ARNT2: variants seen among roughly 807,000 people sequenced by gnomAD.
The protein encoded by ARNT2 is aryl hydrocarbon receptor nuclear translocator 2, also known as ARNT protein 2.
ARNT2 carries 36 observed loss-of-function variants against 91.7 expected under a neutral mutation model. The ratio of observed to expected loss-of-function variants is 0.39; its 90% CI spans 0.30 to 0.52. The LOEUF is 0.52. Among genes scored for constraint, ARNT2 ranks in the 20% least tolerant of loss-of-function variants. ARNT2 has a pLI of 0.72. For synonymous variants in ARNT2, 365 were observed against 347.1 expected (o/e 1.05, Z -0.57); for missense variants, 775 against 939.3 (o/e 0.83, Z 2.29).
chr15:80,539,028 G>C (rs930649801), intron 8 of ARNT2, among the ~76,000 whole-genome samples: 1 of 151,838 alleles, frequency 6.6e-6, no homozygotes, highest in Non-Finnish European at 1.5e-5. Context: ...TTTTTCTTTT[G>C]TATTTTTTTA....
chr15:80,591,770 G>A lies in ARNT2; in HGVS notation c.2055+66G>A, dbSNP rs1173422333. 23 of 1,598,308 alleles carry A rather than the reference G, an allele frequency of 1.4e-5. No individual in the cohort carries two copies. Among genetic ancestry groups the A allele is most frequent in the South Asian group, 2.2e-5 (2 of 89,098 alleles). On this transcript the variant is annotated intron_variant, in intron 18 of 18. Coordinates refer to ENST00000303329, the MANE Select transcript of ARNT2 (RefSeq NM_014862.4). This position sits in a 1 kb window ranked among gnomAD's most constrained non-coding sequence, Gnocchi z 5.1. The stretch of plus-strand genomic sequence containing the variant: ...CTTCTCTCTGCTTCCTTTCCCCCTC[G>A]GTCTCTGCCGCACCACCGCCTGCCC...
chr15:80,507,941 G>A (rs997557856), intron 5 of ARNT2, among the ~76,000 whole-genome samples: 6 of 152,102 alleles, frequency 3.9e-5, no homozygotes, highest in African/African-American at 9.7e-5. Context: ...AAGTGTAGAC[G>A]GCTCTGAAGA....
At chr15:80,493,245 A>G (rs1418238005) in intron 5 of ARNT2, among the ~76,000 whole-genome samples, 2 of 150,684 alleles carry the variant, frequency 1.3e-5, no homozygotes, top group Non-Finnish European at 3.0e-5. Flanking sequence ...CTGAGGCCTT[A>G]TGACTTGATC....
chr15:80,534,217 C>T lies in ARNT2; in HGVS notation c.878-16982C>T, dbSNP rs537191303. Among the ~76,000 whole-genome samples, 4 of 152,250 alleles carry T rather than the reference C, an allele frequency of 2.6e-5. No homozygotes were observed. In the South Asian group the frequency reaches 6.2e-4, roughly 24 times the overall value. ...TAGAGTCGGAATGGTACACCACACT[C>T]GTCTTTCTGGCATTGTTTGAGAATG... On this transcript the variant is annotated intron_variant, in intron 8 of 18. Coordinates refer to ENST00000303329, the MANE Select transcript of ARNT2 (RefSeq NM_014862.4).
chr15:80,590,485 C>T (rs984929749), intron 17 of ARNT2, among the ~76,000 whole-genome samples: 7 of 152,228 alleles, frequency 4.6e-5, no homozygotes, highest in Admixed American at 4.6e-4. Flanking sequence ...GCTCACTCAT[C>T]CCAGCACTTT....
chr15:80,569,576 A>G (rs1898549872), intron 12 of ARNT2, among the ~76,000 whole-genome samples: 1 of 152,146 alleles, frequency 6.6e-6, no homozygotes, highest in South Asian at 2.1e-4. Flanking sequence ...TGGGATGGAG[A>G]TGCTGATGTT....
In ARNT2 at chr15:80,404,509, G is replaced by A. The variant is rs769959071; in HGVS notation, c.-7G>A. On this transcript the variant is annotated 5_prime_UTR_variant, in exon 1 of 19. Transcript: ENST00000303329. The surrounding 1 kb of genome is among the most constrained non-coding windows in gnomAD (Gnocchi z 5.5). ...TGCCAAGCGGGCGCCTATCCTCTCCGAGCAAGATGGCAACCCCGGCGGCGG... is the reference window on the plus strand; with the variant it reads ...TGCCAAGCGGGCGCCTATCCTCTCCAAGCAAGATGGCAACCCCGGCGGCGG... 68 of 1,234,770 alleles carry A rather than the reference G, an allele frequency of 5.5e-5. 1 individual carries two copies. The highest frequency in any genetic ancestry group is 6.5e-5 in the Non-Finnish European group (63 of 970,116). 76.5% of individuals were successfully genotyped at this position (1,234,770 alleles called of 1,614,324 possible).
At chr15:80,578,608 C>T (rs1009272958) in intron 15 of ARNT2, among the ~76,000 whole-genome samples, 13 of 151,532 alleles carry the variant, frequency 8.6e-5, no homozygotes, top group Non-Finnish European at 1.5e-4. Context: ...GCCTGGGTAA[C>T]GCTGTTGTCA....
At chr15:80,552,185 T>C (rs10438389) in intron 9 of ARNT2, among the ~76,000 whole-genome samples, 70 of 152,324 alleles carry the variant, frequency 4.6e-4, no homozygotes, top group African/African-American at 1.3e-3. Context: ...TGCTTGCACA[T>C]GGGTGAAGAA....
chr15:80,564,987 C>T (rs1898451678), intron 12 of ARNT2, among the ~76,000 whole-genome samples: 1 of 151,214 alleles, frequency 6.6e-6, no homozygotes, highest in African/African-American at 2.4e-5. Context: ...TGCAGTGGCA[C>T]TATGGGCTCA....
chr15:80,454,457 A>G (rs997164808), intron 2 of ARNT2, among the ~76,000 whole-genome samples: 1 of 152,244 alleles, frequency 6.6e-6, no homozygotes, highest in Admixed American at 6.5e-5. Flanking sequence ...CTTATAGCCA[A>G]TGGACTATTT....
At chr15:80,490,317 AG>A (rs1345823294) in intron 5 of ARNT2, among the ~76,000 whole-genome samples, 1 of 151,978 alleles carries the variant, frequency 6.6e-6, no homozygotes, top group Non-Finnish European at 1.5e-5. Flanking sequence ...GCAGGCCTTG[AG>A]GGGTGGGTGT....
chr15:80,501,383 T>A (rs1309328082), intron 5 of ARNT2, among the ~76,000 whole-genome samples: 1 of 152,166 alleles, frequency 6.6e-6, no homozygotes, highest in Non-Finnish European at 1.5e-5. Context: ...AGAACAGGCA[T>A]GCATAGAAAA....
At chr15:80,471,475 C>T (rs931597945) in intron 4 of ARNT2, among the ~76,000 whole-genome samples, 2 of 152,046 alleles carry the variant, frequency 1.3e-5, no homozygotes, top group Non-Finnish European at 2.9e-5. Flanking sequence ...AACAAATTTT[C>T]GTGACATGAG....
intron 4 of ARNT2, among the ~76,000 whole-genome samples, chr15:80,471,707 T>C (rs1896733779): frequency 6.6e-6 from 1 of 152,162 alleles, no homozygotes; most frequent in Non-Finnish European, 1.5e-5. Context: ...TTTAGCTCTG[T>C]TTTATTGATG....
chr15:80,451,356 TC>T (rs1477847570), intron 2 of ARNT2, among the ~76,000 whole-genome samples: 1 of 152,236 alleles, frequency 6.6e-6, no homozygotes, highest in Non-Finnish European at 1.5e-5. Context: ...CTGCAAAGAT[TC>T]CACCCTGGTG....
chr15:80,523,446 G>A (rs1263812728), intron 8 of ARNT2, among the ~76,000 whole-genome samples: 1 of 152,140 alleles, frequency 6.6e-6, no homozygotes, highest in Non-Finnish European at 1.5e-5. Flanking sequence ...ACCTGCCTGG[G>A]GTTAGGACAG....
At chr15:80,531,401 A>T (rs1346098272) in intron 8 of ARNT2, among the ~76,000 whole-genome samples, 1 of 152,230 alleles carries the variant, frequency 6.6e-6, no homozygotes, top group Non-Finnish European at 1.5e-5. Flanking sequence ...ATCCAAGGAG[A>T]AGGTAATTTA....
chr15:80,513,519 A>C (rs796224579), intron 6 of ARNT2, among the ~76,000 whole-genome samples: 5 of 152,300 alleles, frequency 3.3e-5, no homozygotes, highest in African/African-American at 1.2e-4. Context: ...GTCACTGCTC[A>C]GGCCTGAAGG....
Sources: gnomAD v4.1 joint callset for allele counts (sites outside exome capture counted in the v4.1 genomes callset) on GRCh38, gnomAD v4.1.1 for gene constraint, Gnocchi (gnomAD v3.1) non-coding constraint, MANE v1.5 for transcripts, NCBI Gene and HGNC (gene_info 2026-07-23, HGNC 2026-07-21) for gene names.